The following LXN variants were observed in gnomAD, a reference collection of about 807,000 sequenced individuals.
LXN encodes MUM.
In LXN, 28 loss-of-function variants were observed where a neutral mutation model predicts 29.8. That is an observed-to-expected ratio of 0.94 (90% CI 0.70 to 1.29). The LOEUF (loss-of-function observed/expected upper bound fraction) is 1.29. Ranked by LOEUF, LXN falls within the 50% of genes most tolerant of loss-of-function variation. LXN has a pLI of 0.00. For synonymous variants in LXN, 77 were observed against 89.6 expected (o/e 0.86, Z 0.80); for missense variants, 227 against 261.7 (o/e 0.87, Z 0.92).
chr3:158,671,044 G>C, intron 1 of LXN, 25 bp from the exon 2 acceptor site: 1 of 1,497,628 alleles, frequency 6.7e-7, no homozygotes, highest in Non-Finnish European at 8.9e-7. Flanking sequence ...ATGTAGTGGA[G>C]ACAAGAAAAT....
rs899805393 is a variant in LXN at position 158,666,567 on chromosome 3, G to T, written c.*79C>A. 11 of 1,311,256 alleles carry T rather than the reference G, an allele frequency of 8.4e-6. No individual in the cohort carries two copies. In the African/African-American group the frequency reaches 1.6e-4, roughly 19 times the overall value. The allele number at this position is 1,311,256 out of a possible 1,614,324, so 81.2% of individuals were successfully genotyped here. ...ATAAAGTGACACTTTGGGATTATTT[G>T]GCCTCATAAGCTAGATGCCAGTGAA... On this transcript the variant is annotated 3_prime_UTR_variant, in exon 6 of 6. Coordinates refer to ENST00000264265, the MANE Select transcript of LXN (RefSeq NM_020169.4).
intron 1 of LXN, among the ~76,000 whole-genome samples, chr3:158,671,926 A>C (rs1286056123): frequency 2.0e-5 from 3 of 152,154 alleles, no homozygotes; most frequent in African/African-American, 7.2e-5. Flanking sequence ...GGGTCTGATA[A>C]GGATTTGTCT....
rs377173769 is a variant in LXN at position 158,669,515 on chromosome 3, T to G, written c.288A>C (p.Gly96=). 6.2e-7 allele frequency: 1 copy of G among 1,613,900 alleles called. No homozygotes were observed. The highest frequency in any genetic ancestry group is 8.5e-7 in the Non-Finnish European group (1 of 1,179,948). ...TGTTGTCTTCTTCATCTGGATTCTT[T>G]CCAGTTTCTCCTTCAAATGTGAAGT... ...EVNFTFEGET[G]KNPDEEDNTF... is the part of the protein sequence containing the mutation. Residue 96 remains glycine, a synonymous_variant, in exon 3 of 6, where the codon GGA becomes GGC. Coordinates refer to ENST00000264265, the MANE Select transcript of LXN (RefSeq NM_020169.4).
chr3:158,667,140 T>A lies in LXN; in HGVS notation c.508-66A>T, dbSNP rs963727553. 7.7e-6 allele frequency: 11 copies of A among 1,425,122 alleles called. No homozygotes were observed. In the African/African-American group the frequency reaches 1.5e-4, roughly 19 times the overall value. 88.3% of individuals were successfully genotyped at this position (1,425,122 alleles called of 1,614,324 possible). On this transcript the variant is annotated intron_variant, in intron 4 of 5. Transcript: ENST00000264265. ...TCTTTGGCAAAAATTACATTTAATT[T>A]TGAAAATCATCTTTGATTAGATGAA...
chr3:158,669,280 C>T, intron 3 of LXN, 148 bp from the exon 4 acceptor site: 2 of 1,191,104 alleles, frequency 1.7e-6, no homozygotes, highest in East Asian at 2.6e-5. Flanking sequence ...ATTTCTGAGG[C>T]CTCTTTTTTG....
chr3:158,672,254 G>A, intron 1 of LXN, 96 bp downstream of exon 1: 1 of 1,473,722 alleles, frequency 6.8e-7, no homozygotes, highest in East Asian at 2.3e-5. Flanking sequence ...GTAGGGGGTG[G>A]CACGGAGTGT....
chr3:158,669,937 C>T (rs1050454821), intron 2 of LXN, among the ~76,000 whole-genome samples: 3 of 152,196 alleles, frequency 2.0e-5, no homozygotes, highest in Non-Finnish European at 4.4e-5. Context: ...TATACCAACT[C>T]AAGACTGGTT....
chr3:158,669,508 G>A lies in LXN; in HGVS notation c.295C>T (p.Pro99Ser), dbSNP rs1408593869. The change falls in exon 3 of 6, where the codon CCA becomes TCA. Residue 99 changes from proline (P) to serine (S), a missense_variant. Coordinates refer to ENST00000264265, the MANE Select transcript of LXN (RefSeq NM_020169.4). Reference sequence around the variant, plus strand: ...TAAAATGTGTTGTCTTCTTCATCTGGATTCTTTCCAGTTTCTCCTTCAAAT... The same window carrying A: ...TAAAATGTGTTGTCTTCTTCATCTGAATTCTTTCCAGTTTCTCCTTCAAAT... ...FTFEGETGKN[P>S]DEEDNTFYQR... 5 of 1,613,852 alleles carry A rather than the reference G, an allele frequency of 3.1e-6. No individual in the cohort carries two copies. The highest frequency in any genetic ancestry group is 4.2e-6 in the Non-Finnish European group (5 of 1,179,864).
At chr3:158,667,781 C>T (rs1441862652) in intron 4 of LXN, among the ~76,000 whole-genome samples, 1 of 152,126 alleles carries the variant, frequency 6.6e-6, no homozygotes, top group African/African-American at 2.4e-5. Flanking sequence ...GAGTGAAACC[C>T]TGTCTCAAAA....
chr3:158,671,453 A>T (rs1401503818), intron 1 of LXN, among the ~76,000 whole-genome samples: 2 of 152,242 alleles, frequency 1.3e-5, no homozygotes, highest in African/African-American at 4.8e-5. Context: ...GATTACTGCA[A>T]AGCAATTGGA....
At chr3:158,671,113 C>A (rs1724249411) in intron 1 of LXN, 94 bp from the exon 2 acceptor site, 7 of 1,319,136 alleles carry the variant, frequency 5.3e-6, no homozygotes, top group African/African-American at 4.6e-5. Flanking sequence ...GTTGGAGGGG[C>A]TGGCTGAAGG....
rs758373036 is a variant in LXN, at chr3:158,667,087, AT to A, written c.508-14del. The A allele has an allele frequency of 1.9e-6, 3 of 1,573,274 alleles. No individual in the cohort carries two copies. Among genetic ancestry groups the A allele is most frequent in the South Asian group, 1.2e-5 (1 of 83,058 alleles). ...CATCATTTCTTTGCTATGACAAAAA[AT>A]AAAAACGTGTTGTTTAAAACTTAAT... On this transcript the variant is annotated splice_polypyrimidine_tract_variant and intron_variant, in intron 4 of 5. Transcript: ENST00000264265.
chr3:158,672,258 G>A, intron 1 of LXN, 92 bp downstream of exon 1: 1 of 1,506,288 alleles, frequency 6.6e-7, no homozygotes, highest in Non-Finnish European at 9.1e-7. Flanking sequence ...GGGGTGGCAC[G>A]GAGTGTCTGC....
At chr3:158,668,750 G>A (rs75411941) in intron 4 of LXN, among the ~76,000 whole-genome samples, 1,753 of 152,310 alleles carry the variant, frequency 0.012, 34 homozygotes, top group African/African-American at 0.04. Flanking sequence ...TTGAGGCAAA[G>A]GAGGCCTGTG....
rs1429406199 is a variant in LXN at position 158,667,017 on chromosome 3, A to G, written c.565T>C (p.Ser189Pro). The G allele has an allele frequency of 6.3e-7, 1 of 1,596,548 alleles. No individual in the cohort carries two copies. Among genetic ancestry groups the G allele is most frequent in the South Asian group, 1.2e-5 (1 of 86,460 alleles). ...DYTILLHNIA[S>P]QEIIPWQMQV... The stretch of plus-strand genomic sequence containing the variant: ...AAAGGTAAATTATACTTTACCTGAG[A>G]TGCTATATTATGAAGTAGAATGGTG... The change falls in exon 5 of 6, where the codon TCT becomes CCT. Residue 189 changes from serine to proline, a missense_variant. Coordinates refer to ENST00000264265, the MANE Select transcript of LXN (RefSeq NM_020169.4).
intron 2 of LXN, among the ~76,000 whole-genome samples, chr3:158,670,669 A>G (rs1576765534): frequency 1.3e-5 from 2 of 152,336 alleles, no homozygotes; most frequent in Non-Finnish European, 2.9e-5. Context: ...ATCAGCAAAG[A>G]TGATCTGGAA....
Position 158,672,631 on chromosome 3 carries a change from C to G in LXN, c.-153G>C. The G allele has an allele frequency of 2.3e-6, 2 of 863,970 alleles. No homozygotes were observed. The highest frequency in any genetic ancestry group is 1.7e-5 in the African/African-American group (1 of 58,734). 53.5% of individuals were successfully genotyped at this position (863,970 alleles called of 1,614,324 possible). On this transcript the variant is annotated 5_prime_UTR_variant, in exon 1 of 6. Transcript: ENST00000264265. ...AGTCTTCTTCCTCAGCTCCTTCCGA[C>G]TCCGGAAGCTGCTGTTTGGGCCCAG...
In LXN at chr3:158,672,339, G is replaced by A; in HGVS notation, c.129+11C>T. ...AAGCCTCTGCTGTCCACCACCCCCT[G>A]CTAAACTCACCTCCATGCTGGCTTG... is the stretch of plus-strand genomic sequence containing the variant. On this transcript the variant is annotated intron_variant, in intron 1 of 5. Coordinates refer to ENST00000264265, the MANE Select transcript of LXN (RefSeq NM_020169.4). The A allele has an allele frequency of 1.9e-6, 3 of 1,613,292 alleles. No individual in the cohort carries two copies. Among genetic ancestry groups the A allele is most frequent in the Non-Finnish European group, 2.5e-6 (3 of 1,179,486 alleles).
intron 4 of LXN, 123 bp from the exon 5 acceptor site, chr3:158,667,197 T>C: frequency 2.8e-6 from 3 of 1,073,896 alleles, no homozygotes; most frequent in Non-Finnish European, 3.8e-6. Context: ...AAAATAAAAA[T>C]TGAATGTCAT....
Sources: allele counts gnomAD v4.1 joint callset (sites outside exome capture counted in the v4.1 genomes callset), GRCh38; gene constraint gnomAD v4.1.1; transcripts MANE v1.5; gene names NCBI Gene and HGNC (gene_info 2026-07-23, HGNC 2026-07-21).